The following TAS1R1 variants were observed in gnomAD, a reference collection of about 807,000 sequenced individuals.
The protein encoded by TAS1R1 is taste receptor type 1 member 1.
In TAS1R1, 31 loss-of-function variants were observed where a neutral mutation model predicts 45.8. The observed-to-expected ratio is 0.68, with a 90% confidence interval of 0.51 to 0.91. The LOEUF (loss-of-function observed/expected upper bound fraction) is 0.91, where lower values mean the gene tolerates loss of function less well. Among genes scored for constraint, TAS1R1 ranks in the 40% least tolerant of loss-of-function variants. The pLI is 0.00. For missense variants in TAS1R1, 1,051 were observed against 1,063.9 expected (o/e 0.99, Z 0.17); for synonymous variants, 437 against 448.4 (o/e 0.97, Z 0.32).
Position 6,555,461 on chromosome 1 carries a change from C to A in TAS1R1, c.88C>A (p.Pro30Thr). ...AFACHSTESS[P>T]DFTLPGDYLL... ...TGCCTGCCATAGCACGGAGTCTTCTCCTGACTTCACCCTCCCCGGAGATTA... is the reference window on the plus strand; with the variant it reads ...TGCCTGCCATAGCACGGAGTCTTCTACTGACTTCACCCTCCCCGGAGATTA... Residue 30 changes from proline to threonine, a missense_variant, in exon 1 of 6, where the codon CCT (proline) becomes ACT (threonine). Physicochemically the swap from Pro to Thr is conservative, Grantham distance 38 (BLOSUM62 -1). Transcript: ENST00000333172. 1.2e-6 allele frequency: 2 copies of A among 1,604,272 alleles called. No homozygotes were observed. Among genetic ancestry groups the A allele is most frequent in the Non-Finnish European group, 1.7e-6 (2 of 1,175,546 alleles).
At chr1:6,557,691 C>T (rs1456807835) in intron 1 of TAS1R1, among the ~76,000 whole-genome samples, 1 of 152,194 alleles carries the variant, frequency 6.6e-6, no homozygotes, top group Non-Finnish European at 1.5e-5. Context: ...CCTGCCTGGG[C>T]CTCCCACAGC....
chr1:6,579,375 TG>T lies in TAS1R1; in HGVS notation c.2319del (p.Trp773Ter). 6.2e-7 allele frequency: 1 copy of T among 1,613,978 alleles called. No homozygotes were observed. Among genetic ancestry groups the T allele is most frequent in the Non-Finnish European group, 8.5e-7 (1 of 1,180,058 alleles). ...TFSLLFNFVS[W>X]IAFFTTASVY... ...CAGCCTGCTCTTCAACTTCGTGTCC[TG>T]GATCGCCTTCTTCACCACGGCCAGC... On this transcript the variant is annotated frameshift_variant, in exon 6 of 6. Transcript: ENST00000333172. LOFTEE classifies it low-confidence loss of function (END_TRUNC).
Position 6,574,581 on chromosome 1 carries a change from T to TG in TAS1R1, c.499-43dup, listed in dbSNP as rs756897745. 43 of 1,556,240 alleles carry TG rather than the reference T, an allele frequency of 2.8e-5. No homozygotes were observed. Among genetic ancestry groups the TG allele is most frequent in the Admixed American group, 5.4e-5 (3 of 55,960 alleles). On this transcript the variant is annotated intron_variant, in intron 2 of 5. Transcript: ENST00000333172. The surrounding 1 kb of genome is among the most constrained non-coding windows in gnomAD (Gnocchi z 4.3). ...CCACACCCAGCACAGGGCCAGGCAC[T>TG]GGGGGGGCCTTCAGTGGAGACTGAA... is the stretch of plus-strand genomic sequence containing the variant.
At position 6,575,178 on chromosome 1, in the gene TAS1R1, C is replaced by G. The variant is rs1640130965; in HGVS notation, c.1046C>G (p.Pro349Arg). 1.2e-6 allele frequency: 2 copies of G among 1,607,748 alleles called. No homozygotes were observed. The highest frequency in any genetic ancestry group is 2.2e-5 in the East Asian group (1 of 44,876). ...TATGCCCGGGCAGACAAGAAGGCCC[C>G]TAGGCCTTGCCACAAGGGCTCCTGG... Reference protein sequence around the residue: ...EAYARADKKAPRPCHKGSWCS... With the variant: ...EAYARADKKARRPCHKGSWCS... The change falls in exon 3 of 6, where the codon CCT (proline) becomes CGT (arginine). Residue 349 changes from proline to arginine, a missense_variant. Coordinates refer to ENST00000333172, the MANE Select transcript of TAS1R1 (RefSeq NM_138697.4).
rs1557814851 is a variant in TAS1R1 at position 6,579,680 on chromosome 1, G to T, written c.*96G>T. 1 of 1,482,742 alleles carries T rather than the reference G, an allele frequency of 6.7e-7. No homozygotes were observed. Among genetic ancestry groups the T allele is most frequent in the Non-Finnish European group, 8.9e-7 (1 of 1,123,182 alleles). The allele number at this position is 1,482,742 out of a possible 1,614,324, so 91.8% of individuals were successfully genotyped here. On this transcript the variant is annotated 3_prime_UTR_variant, in exon 6 of 6. Coordinates refer to ENST00000333172, the MANE Select transcript of TAS1R1 (RefSeq NM_138697.4). The stretch of plus-strand genomic sequence containing the variant: ...GTCCGGGAGGTCTTTGGGCATCGCG[G>T]TCTGGGGTTGGGACGTGTAAGCGCC...
At chr1:6,575,414 CCTCCTGTCA>C in intron 3 of TAS1R1, 22 bp downstream of exon 3, 1 of 1,529,122 alleles carries the variant, frequency 6.5e-7, no homozygotes, top group Non-Finnish European at 8.8e-7. Flanking sequence ...CACCCCAGCA[CCTCCTGTCA>C]GGGAGAACAG....
intron 5 of TAS1R1, among the ~76,000 whole-genome samples, 192 bp downstream of exon 5, chr1:6,577,262 G>A (rs573384537): frequency 6.6e-6 from 1 of 152,364 alleles, no homozygotes; most frequent in South Asian, 2.1e-4. Context: ...CACTGGGTGC[G>A]GTGGCTCATG....
chr1:6,561,427 T>C (rs1210941041), intron 1 of TAS1R1, among the ~76,000 whole-genome samples: 1 of 152,076 alleles, frequency 6.6e-6, no homozygotes, highest in South Asian at 2.1e-4. Context: ...AGAGTCTATC[T>C]GGGGCCGGGC....
At chr1:6,562,937 C>T (rs1440124734) in intron 1 of TAS1R1, among the ~76,000 whole-genome samples, 1 of 152,164 alleles carries the variant, frequency 6.6e-6, no homozygotes, top group Non-Finnish European at 1.5e-5. Context: ...AAAGGAGTTG[C>T]AGGGATAATT....
intron 1 of TAS1R1, among the ~76,000 whole-genome samples, chr1:6,563,353 C>T (rs550890357): frequency 6.6e-5 from 10 of 152,276 alleles, no homozygotes; most frequent in South Asian, 2.1e-4. Context: ...CCGGTGCCGG[C>T]GGCCACAGGG....
chr1:6,576,233 G>A (rs1219195999), intron 3 of TAS1R1, among the ~76,000 whole-genome samples, 182 bp from the exon 4 acceptor site: 1 of 152,198 alleles, frequency 6.6e-6, no homozygotes, highest in Non-Finnish European at 1.5e-5. Flanking sequence ...GTGTTTGTTA[G>A]AGGCCTCCTC....
Position 6,574,555 on chromosome 1 carries a change from C to T in TAS1R1, c.499-76C>T. 1.3e-6 allele frequency: 2 copies of T among 1,517,094 alleles called. No individual in the cohort carries two copies. The highest frequency in any genetic ancestry group is 1.8e-6 in the Non-Finnish European group (2 of 1,131,312). 94.0% of individuals were successfully genotyped at this position (1,517,094 alleles called of 1,614,324 possible). On this transcript the variant is annotated intron_variant, in intron 2 of 5. Transcript: ENST00000333172. The surrounding 1 kb of genome is among the most constrained non-coding windows in gnomAD (Gnocchi z 4.3). ...CCTGGTCTCCCCGGCTCCCTGTATC[C>T]CCACACCCAGCACAGGGCCAGGCAC...
At chr1:6,566,360 T>TGA (rs1639871604) in intron 1 of TAS1R1, among the ~76,000 whole-genome samples, 9 of 151,792 alleles carry the variant, frequency 5.9e-5, no homozygotes, top group Admixed American at 2.6e-4. Flanking sequence ...CTGGAGGGGA[T>TGA]CAGAGAGAGA....
At chr1:6,568,568 G>A (rs936137326) in intron 1 of TAS1R1, among the ~76,000 whole-genome samples, 9 of 151,852 alleles carry the variant, frequency 5.9e-5, no homozygotes, top group African/African-American at 1.9e-4. Flanking sequence ...CAGGATTTTC[G>A]TCTGCCTTTT....
intron 1 of TAS1R1, among the ~76,000 whole-genome samples, chr1:6,569,571 G>T (rs962048421): frequency 1.3e-5 from 2 of 152,166 alleles, no homozygotes; most frequent in Admixed American, 6.5e-5. Flanking sequence ...ACACCCAAGG[G>T]GGGTGGTCTT....
intron 1 of TAS1R1, among the ~76,000 whole-genome samples, chr1:6,555,940 C>A (rs930945056): frequency 6.9e-6 from 1 of 145,418 alleles, no homozygotes; most frequent in Non-Finnish European, 1.5e-5. Flanking sequence ...GGCGCGATCT[C>A]AGCTCACTGC....
intron 2 of TAS1R1, 57 bp downstream of exon 2, chr1:6,571,272 C>T: frequency 2.7e-6 from 4 of 1,490,348 alleles, no homozygotes; most frequent in Non-Finnish European, 3.6e-6. Context: ...TGGGCTGGGG[C>T]ATGTGGGCAA....
rs974400128 is a variant in TAS1R1, at chr1:6,576,141, C to T, written c.1261-274C>T. On this transcript the variant is annotated intron_variant, in intron 3 of 5. Transcript: ENST00000333172. ...TCTCTTCTCTTAGACAGATCTTTCT[C>T]TCTGATCCTTGCCTTCTCTCACCCA... Among the ~76,000 whole-genome samples the T allele has an allele frequency of 3.9e-5, 6 of 152,242 alleles. 1 individual carries two copies. The highest frequency in any genetic ancestry group is 7.3e-5 in the Non-Finnish European group (5 of 68,032).
chr1:6,572,380 C>G (rs1640041598), intron 2 of TAS1R1, among the ~76,000 whole-genome samples: 1 of 151,372 alleles, frequency 6.6e-6, no homozygotes, highest in African/African-American at 2.4e-5. Flanking sequence ...CCACCTCATA[C>G]TCCTAAGTAG....
Sources: gnomAD v4.1 joint callset for allele counts (sites outside exome capture counted in the v4.1 genomes callset) on GRCh38, gnomAD v4.1.1 for gene constraint, Gnocchi (gnomAD v3.1) non-coding constraint, MANE v1.5 for transcripts, NCBI Gene and HGNC (gene_info 2026-07-23, HGNC 2026-07-21) for gene names.